The following PTCHD1 variants were observed in gnomAD, a reference collection of about 807,000 sequenced individuals.
The protein encoded by PTCHD1 is patched domain containing 1.
PTCHD1 carries 3 observed loss-of-function variants against 34.6 expected under a neutral mutation model. That is an observed-to-expected ratio of 0.09 (90% CI 0.04 to 0.22). The LOEUF (loss-of-function observed/expected upper bound fraction) is 0.22. Ranked by LOEUF, PTCHD1 falls within the 10% of genes least tolerant of loss-of-function variation. The pLI is 1.00. For missense variants in PTCHD1, 504 were observed against 685.5 expected, an observed-to-expected ratio of 0.74 and a Z score of 2.96; for synonymous variants, 305 against 283.1, an observed-to-expected ratio of 1.08 and a Z score of -0.77.
At chrX:23,347,937 G>C (rs1921521098) in intron 1 of PTCHD1, among the ~76,000 whole-genome samples, 2 of 111,912 alleles carry the variant, frequency 1.8e-5, no homozygotes, top group Admixed American at 1.9e-4. Flanking sequence ...TTGACCCCAG[G>C]AGTTTGAGGC....
Position 23,395,667 on chromosome X carries a change from G to A in PTCHD1, c.*1482G>A, listed in dbSNP as rs1009258895. 3.6e-5 allele frequency: 4 copies of A among 111,940 alleles called. No individual in the cohort carries two copies. The highest frequency in any genetic ancestry group is 9.8e-5 in the African/African-American group (3 of 30,720). 9.2% of individuals were successfully genotyped at this position (111,940 alleles called of 1,213,427 possible). On this transcript the variant is annotated 3_prime_UTR_variant, in exon 3 of 3. Coordinates refer to ENST00000379361, the MANE Select transcript of PTCHD1 (RefSeq NM_173495.3). ...GTTTAGATCTAAAAAGGCTGTATAC[G>A]TTGCCCAGGCCCCTGCATTTCTTTA...
intron 1 of PTCHD1, among the ~76,000 whole-genome samples, chrX:23,372,021 G>A (rs1922291698): frequency 9.0e-6 from 1 of 111,177 alleles, no homozygotes; most frequent in Admixed American, 9.6e-5. Flanking sequence ...TAATGGAAAT[G>A]TAGAGGTGGA....
At chrX:23,370,090 C>A (rs759593207) in intron 1 of PTCHD1, among the ~76,000 whole-genome samples, 1 of 112,352 alleles carries the variant, frequency 8.9e-6, no homozygotes, top group African/African-American at 3.2e-5. Flanking sequence ...CTGGGTACCA[C>A]CTGTGTTTCA....
intron 2 of PTCHD1, among the ~76,000 whole-genome samples, chrX:23,383,099 G>A (rs1281190980): frequency 8.9e-6 from 1 of 112,304 alleles, no homozygotes; most frequent in African/African-American, 3.2e-5. Context: ...GAAATGCAGT[G>A]CTAAGAGTTT....
chrX:23,335,561 G>A (rs1921146916), intron 1 of PTCHD1, among the ~76,000 whole-genome samples: 1 of 113,134 alleles, frequency 8.8e-6, no homozygotes, highest in Non-Finnish European at 1.9e-5. Context: ...GGGTAACTGG[G>A]CCAGCAAGGA....
intron 1 of PTCHD1, among the ~76,000 whole-genome samples, chrX:23,361,806 T>C (rs902282585): frequency 1.8e-5 from 2 of 112,151 alleles, no homozygotes; most frequent in Admixed American, 9.5e-5. Flanking sequence ...CCTTTCCATG[T>C]TTAGTGCTTC....
intron 1 of PTCHD1, among the ~76,000 whole-genome samples, chrX:23,355,181 G>C (rs756841442): frequency 9.0e-6 from 1 of 110,737 alleles, no homozygotes; most frequent in African/African-American, 3.3e-5. Flanking sequence ...TTCCACGGAA[G>C]GTGTCCTGTG....
At position 23,398,447 on chromosome X, in the gene PTCHD1, C is replaced by A. The variant is rs754993888; in HGVS notation, c.*4262C>A. 9.0e-6 allele frequency: 1 copy of A among 111,092 alleles called. No homozygotes were observed. Among genetic ancestry groups the A allele is most frequent in the African/African-American group, 3.3e-5 (1 of 30,509 alleles). 9.2% of individuals were successfully genotyped at this position (111,092 alleles called of 1,213,427 possible). The stretch of plus-strand genomic sequence containing the variant: ...ATCATACTATGATCTTTGAAAAAAA[C>A]AGATACAGGCACTTGCTTTTGGGGA... On this transcript the variant is annotated 3_prime_UTR_variant, in exon 3 of 3. Coordinates refer to ENST00000379361, the MANE Select transcript of PTCHD1 (RefSeq NM_173495.3).
chrX:23,369,311 G>A (rs747591623), intron 1 of PTCHD1, among the ~76,000 whole-genome samples: 5 of 111,380 alleles, frequency 4.5e-5, no homozygotes, highest in South Asian at 3.8e-4. Context: ...TTTGACCCCC[G>A]ACTTTGCTAC....
chrX:23,350,162 A>G (rs1184605019), intron 1 of PTCHD1, among the ~76,000 whole-genome samples: 1 of 108,546 alleles, frequency 9.2e-6, no homozygotes, highest in African/African-American at 3.4e-5. Flanking sequence ...TACTGCATGC[A>G]CGTTATCATA....
At chrX:23,385,634 C>T (rs190024934) in intron 2 of PTCHD1, among the ~76,000 whole-genome samples, 3 of 111,713 alleles carry the variant, frequency 2.7e-5, no homozygotes, top group Non-Finnish European at 5.6e-5. Flanking sequence ...AGCTCACAAC[C>T]GAAACAGGTT....
In PTCHD1 at chrX:23,402,198, A is replaced by G. The variant is rs1300519770; in HGVS notation, c.*8013A>G. Reference sequence around the variant, plus strand: ...ATCAACCTCAAGGAAAGGAAGTGCCATGCATGGAGGCCTGGTGATAGGCAA... The same window carrying G: ...ATCAACCTCAAGGAAAGGAAGTGCCGTGCATGGAGGCCTGGTGATAGGCAA... On this transcript the variant is annotated 3_prime_UTR_variant, in exon 3 of 3. Coordinates refer to ENST00000379361, the MANE Select transcript of PTCHD1 (RefSeq NM_173495.3). The G allele has an allele frequency of 1.8e-5, 2 of 111,584 alleles. No individual in the cohort carries two copies. 9.2% of individuals were successfully genotyped at this position (111,584 alleles called of 1,213,427 possible). A position where few individuals can be genotyped will look rare whatever the true frequency, so the allele number is the denominator to read the frequency against.
intron 1 of PTCHD1, among the ~76,000 whole-genome samples, chrX:23,377,413 G>T (rs751471321): frequency 1.4e-3 from 157 of 111,381 alleles, no homozygotes; most frequent in South Asian, 4.9e-3. Flanking sequence ...TTGTAACTAG[G>T]AGTTCTTTTA....
At chrX:23,350,056 C>T (rs1921583935) in intron 1 of PTCHD1, among the ~76,000 whole-genome samples, 1 of 51,673 alleles carries the variant, frequency 1.9e-5, no homozygotes, top group African/African-American at 1.0e-4. Flanking sequence ...CCCTTTAGTG[C>T]TGTTAAAAAA....
At position 23,396,796 on chromosome X, in the gene PTCHD1, T is replaced by C. The variant is rs1923000729; in HGVS notation, c.*2611T>C. ...TCTGACTGTGAAATGAATTTTTCTATTGGGAGATTATGCATGCCAAGATTT... is the reference window on the plus strand; with the variant it reads ...TCTGACTGTGAAATGAATTTTTCTACTGGGAGATTATGCATGCCAAGATTT... On this transcript the variant is annotated 3_prime_UTR_variant, in exon 3 of 3. Coordinates refer to ENST00000379361, the MANE Select transcript of PTCHD1 (RefSeq NM_173495.3). 8.9e-6 allele frequency: 1 copy of C among 112,381 alleles called. No individual in the cohort carries two copies. The allele number at this position is 112,381 out of a possible 1,213,427, so 9.3% of individuals were successfully genotyped here. A position where few individuals can be genotyped will look rare whatever the true frequency, so the allele number is the denominator to read the frequency against.
intron 1 of PTCHD1, among the ~76,000 whole-genome samples, chrX:23,356,040 C>A (rs2146621183): frequency 9.0e-6 from 1 of 111,709 alleles, no homozygotes; most frequent in African/African-American, 3.3e-5. Context: ...TTTTTGTTTG[C>A]TTGTTTTGCT....
Position 23,377,575 on chromosome X carries a change from G to GGTGTGTGTGTGT in PTCHD1, c.352-1983_352-1972dup, listed in dbSNP as rs748957859. Among the ~76,000 whole-genome samples the GGTGTGTGTGTGT allele has an allele frequency of 2.8e-4, 25 of 90,530 alleles. No individual in the cohort carries two copies. In the East Asian group the frequency reaches 5.8e-3, roughly 21 times the overall value. 78.6% of individuals were successfully genotyped at this position (90,530 alleles called of 115,157 possible). On this transcript the variant is annotated intron_variant, in intron 1 of 2. Coordinates refer to ENST00000379361, the MANE Select transcript of PTCHD1 (RefSeq NM_173495.3). ...TAGGCTGTGAAAATAGCCTCCTAGG[G>GGTGTGTGTGTGT]GTGTGTGTGTGTGTGTGTGTGTGTG...
chrX:23,334,653 G>C (rs1305547126), upstream of PTCHD1: 1 of 106,748 alleles, frequency 9.4e-6, no homozygotes, highest in Non-Finnish European at 2.0e-5. Flanking sequence ...GCGCGGCCGC[G>C]GGCAGGAGGG....
At chrX:23,368,387 T>C (rs1223805214) in intron 1 of PTCHD1, among the ~76,000 whole-genome samples, 2 of 112,219 alleles carry the variant, frequency 1.8e-5, no homozygotes, top group Admixed American at 9.4e-5. Flanking sequence ...GTAAATGATA[T>C]GCATGTAGCA....
Sources: gnomAD v4.1 joint callset for allele counts (sites outside exome capture counted in the v4.1 genomes callset) on GRCh38, gnomAD v4.1.1 for gene constraint, MANE v1.5 for transcripts, NCBI Gene and HGNC (gene_info 2026-07-23, HGNC 2026-07-21) for gene names.